Variants in SLC31A1 observed in about 807,000 individuals in gnomAD.
SLC31A1 encodes solute carrier family 31 member 1, also known as high affinity copper uptake protein 1.
In SLC31A1, 5 loss-of-function variants were observed where a neutral mutation model predicts 17.2. The observed-to-expected ratio is 0.29, with a 90% CI of 0.15 to 0.61. The LOEUF (loss-of-function observed/expected upper bound fraction) is 0.61, where lower values mean the gene tolerates loss of function less well. SLC31A1 is among the 20% of genes least tolerant of loss of function. The probability of loss-of-function intolerance (pLI) is 0.86; values close to 1 mark genes in which losing one functional copy is unlikely to be tolerated. For synonymous variants in SLC31A1, 76 were observed against 78.8 expected, an observed-to-expected ratio of 0.96 and a Z score of 0.19; for missense variants, 161 against 241.4, an observed-to-expected ratio of 0.67 and a Z score of 2.21.
intron 1 of SLC31A1, chr9:113,223,294 T>C: frequency 2.2e-6 from 1 of 446,518 alleles, no homozygotes; most frequent in South Asian, 1.6e-5. Flanking sequence ...TGGTGAGTCT[T>C]GCCAGGCTTT....
At chr9:113,246,798 C>A (rs1323920210) in intron 1 of SLC31A1, among the ~76,000 whole-genome samples, 1 of 152,154 alleles carries the variant, frequency 6.6e-6, no homozygotes, top group Non-Finnish European at 1.5e-5. Flanking sequence ...TACAGACACA[C>A]CACCACATCC....
intron 1 of SLC31A1, among the ~76,000 whole-genome samples, chr9:113,248,561 C>T (rs1831611043): frequency 2.0e-5 from 3 of 149,546 alleles, no homozygotes; most frequent in Admixed American, 6.7e-5. Context: ...CATGGCCTCC[C>T]AGGTTCAAGT....
Position 113,260,579 on chromosome 9 carries a change from G to GA in SLC31A1, c.*106_*107insA, listed in dbSNP as rs1831781369. The GA allele has an allele frequency of 1.7e-6, 1 of 589,530 alleles. No homozygotes were observed. Among genetic ancestry groups the GA allele is most frequent in the Non-Finnish European group, 2.8e-6 (1 of 352,310 alleles). The allele number at this position is 589,530 out of a possible 1,614,324, so 36.5% of individuals were successfully genotyped here. Reference sequence around the variant, plus strand: ...TCCCTTCTTGCTCCTCTTTGTGCACGTACACACACACACACACACACACAC... The same window carrying GA: ...TCCCTTCTTGCTCCTCTTTGTGCACGATACACACACACACACACACACACAC... On this transcript the variant is annotated 3_prime_UTR_variant, in exon 5 of 5. Transcript: ENST00000374212.
At chr9:113,235,339 T>A (rs1831444998) in intron 1 of SLC31A1, among the ~76,000 whole-genome samples, 1 of 152,194 alleles carries the variant, frequency 6.6e-6, no homozygotes, top group African/African-American at 2.4e-5. Flanking sequence ...GAGAAGAATG[T>A]GACCAATCTT....
chr9:113,235,873 G>A (rs904435092), intron 1 of SLC31A1, among the ~76,000 whole-genome samples: 1 of 152,148 alleles, frequency 6.6e-6, no homozygotes, highest in African/African-American at 2.4e-5. Context: ...GTTTAAGATT[G>A]GTTCTGGAAA....
At chr9:113,249,877 A>G (rs1462071017) in intron 1 of SLC31A1, among the ~76,000 whole-genome samples, 3 of 152,130 alleles carry the variant, frequency 2.0e-5, no homozygotes, top group Non-Finnish European at 4.4e-5. Flanking sequence ...GGACATGAAC[A>G]GACACTTCTC....
chr9:113,256,583 C>A, intron 2 of SLC31A1: 2 of 294,314 alleles, frequency 6.8e-6, no homozygotes, highest in South Asian at 4.1e-5. Flanking sequence ...AAAAGTTGGC[C>A]AGGCACAGTG....
At chr9:113,252,072 A>T (rs1025148494) in intron 1 of SLC31A1, among the ~76,000 whole-genome samples, 4 of 152,192 alleles carry the variant, frequency 2.6e-5, no homozygotes, top group Admixed American at 6.6e-5. Flanking sequence ...GCATACTTTG[A>T]AAGGTTTTCT....
chr9:113,240,349 T>C (rs999123954), intron 1 of SLC31A1, among the ~76,000 whole-genome samples: 2 of 152,212 alleles, frequency 1.3e-5, no homozygotes, highest in Admixed American at 6.5e-5. Context: ...ATAAATACTT[T>C]TTGAATGAAT....
intron 1 of SLC31A1, among the ~76,000 whole-genome samples, chr9:113,237,268 A>G (rs1490535804): frequency 2.6e-5 from 4 of 152,214 alleles, no homozygotes; most frequent in African/African-American, 9.6e-5. Context: ...GCAGGACACA[A>G]CTGCTCTGGA....
intron 1 of SLC31A1, among the ~76,000 whole-genome samples, chr9:113,255,660 A>C (rs969268171): frequency 1.3e-5 from 2 of 152,140 alleles, no homozygotes; most frequent in Non-Finnish European, 2.9e-5. Flanking sequence ...TGGGTGATGG[A>C]GCAAGACCCT....
At chr9:113,239,942 T>C (rs1156354803) in intron 1 of SLC31A1, among the ~76,000 whole-genome samples, 1 of 152,232 alleles carries the variant, frequency 6.6e-6, no homozygotes, top group African/African-American at 2.4e-5. Context: ...TCTCCTCCGC[T>C]CACTCAGTAT....
intron 1 of SLC31A1, among the ~76,000 whole-genome samples, chr9:113,222,613 C>G (rs1043927996): frequency 1.3e-5 from 2 of 152,162 alleles, no homozygotes; most frequent in African/African-American, 2.4e-5. Flanking sequence ...TTCAATCTGT[C>G]AGTATGAAAT....
At chr9:113,248,303 G>C (rs556405708) in intron 1 of SLC31A1, among the ~76,000 whole-genome samples, 4 of 152,034 alleles carry the variant, frequency 2.6e-5, no homozygotes, top group African/African-American at 9.6e-5. Context: ...CAGCCTGGGT[G>C]ACAGAGACTC....
intron 1 of SLC31A1, among the ~76,000 whole-genome samples, chr9:113,255,626 G>C (rs1261218309): frequency 6.6e-6 from 1 of 152,040 alleles, no homozygotes; most frequent in African/African-American, 2.4e-5. Flanking sequence ...TGAGGTTGAG[G>C]CTGTGGTGAG....
chr9:113,252,947 TTTTTTTC>T (rs1473181498), intron 1 of SLC31A1, among the ~76,000 whole-genome samples: 10 of 104,398 alleles, frequency 9.6e-5, no homozygotes, highest in South Asian at 3.9e-4. Flanking sequence ...TTTTCTTTTC[TTTTTTTC>T]TTTTTTTTTT....
chr9:113,258,730 C>T lies in SLC31A1; in HGVS notation c.239C>T (p.Ala80Val), dbSNP rs1564220976. 1 of 1,614,150 alleles carries T rather than the reference C, an allele frequency of 6.2e-7. No homozygotes were observed. Among genetic ancestry groups the T allele is most frequent in the Non-Finnish European group, 8.5e-7 (1 of 1,180,026 alleles). ...AGAFVAVFLL[A>V]MFYEGLKIAR... The stretch of plus-strand genomic sequence containing the variant: ...GCTTTTGTGGCAGTGTTTTTACTAG[C>T]AATGTTCTATGAAGGACTCAAGATA... Residue 80 changes from alanine (A) to valine (V), a missense_variant, in exon 4 of 5, where the codon GCA (alanine) becomes GTA (valine). Coordinates refer to ENST00000374212, the MANE Select transcript of SLC31A1 (RefSeq NM_001859.4). This position sits in a 1 kb window ranked among gnomAD's most constrained non-coding sequence, Gnocchi z 4.8.
At chr9:113,252,740 G>T (rs1587995050) in intron 1 of SLC31A1, among the ~76,000 whole-genome samples, 1 of 152,238 alleles carries the variant, frequency 6.6e-6, no homozygotes, top group East Asian at 1.9e-4. Context: ...TTGGTCTTAA[G>T]AAGGCACTCT....
chr9:113,224,407 T>C (rs1831318377), intron 1 of SLC31A1, among the ~76,000 whole-genome samples: 1 of 152,118 alleles, frequency 6.6e-6, no homozygotes, highest in South Asian at 2.1e-4. Flanking sequence ...AACAGCAAGT[T>C]TATGTGTTAT....
Sources: gnomAD v4.1 joint callset for allele counts (sites outside exome capture counted in the v4.1 genomes callset) on GRCh38, gnomAD v4.1.1 for gene constraint, Gnocchi (gnomAD v3.1) non-coding constraint, MANE v1.5 for transcripts, NCBI Gene and HGNC (gene_info 2026-07-23, HGNC 2026-07-21) for gene names.